WWTR1: variants seen among roughly 807,000 people sequenced by gnomAD.
The protein encoded by WWTR1 is WW domain-containing transcription regulator protein 1.
WWTR1 carries 13 observed loss-of-function variants against 40.1 expected under a neutral mutation model. The ratio of observed to expected loss-of-function variants is 0.32; its 90% CI spans 0.21 to 0.52. WWTR1 has a LOEUF of 0.52. WWTR1 is among the 20% of genes least tolerant of loss of function. WWTR1 has a pLI of 0.97. For synonymous variants in WWTR1, 230 were observed against 210.1 expected, an observed-to-expected ratio of 1.09 and a Z score of -0.82; for missense variants, 436 against 523.1, an observed-to-expected ratio of 0.83 and a Z score of 1.63.
chr3:149,594,629 G>A (rs965770172), intron 2 of WWTR1, among the ~76,000 whole-genome samples: 29 of 151,998 alleles, frequency 1.9e-4, no homozygotes, highest in African/African-American at 7.0e-4. Context: ...GTCAAGGGGA[G>A]AGACACTTTT....
chr3:149,689,435 AAATAAGACCATATC>A (rs150896344), intron 1 of WWTR1, among the ~76,000 whole-genome samples: 4,112 of 145,238 alleles, frequency 0.028, 199 homozygotes, highest in African/African-American at 0.097. Context: ...AGAATAACCC[AAATAAGACCATATC>A]AAGACATTTA....
At chr3:149,550,772 T>A (rs1736584247) in intron 3 of WWTR1, among the ~76,000 whole-genome samples, 1 of 112,020 alleles carries the variant, frequency 8.9e-6, no homozygotes, top group African/African-American at 3.7e-5. Context: ...ACTGCTTGAA[T>A]ATCTGCTGAC....
chr3:149,677,233 AG>A (rs1418270599), intron 1 of WWTR1, among the ~76,000 whole-genome samples: 2 of 152,162 alleles, frequency 1.3e-5, no homozygotes, highest in East Asian at 3.9e-4. Context: ...TTAAATGGAG[AG>A]GGCACAGTCC....
At chr3:149,678,822 ATTTTTTTT>A (rs57101843) in intron 1 of WWTR1, among the ~76,000 whole-genome samples, 1 of 135,552 alleles carries the variant, frequency 7.4e-6, no homozygotes, top group African/African-American at 2.7e-5. Context: ...GTTCACAAGT[ATTTTTTTT>A]TTTTTTTTTT....
upstream of WWTR1, among the ~76,000 whole-genome samples, chr3:149,704,491 G>A (rs982325346): frequency 1.3e-5 from 2 of 152,192 alleles, no homozygotes; most frequent in East Asian, 3.9e-4. Context: ...ATAAAGACTG[G>A]GAATATTATG....
At chr3:149,621,146 A>G (rs1035804220) in intron 2 of WWTR1, among the ~76,000 whole-genome samples, 1 of 152,210 alleles carries the variant, frequency 6.6e-6, no homozygotes, top group African/African-American at 2.4e-5. Flanking sequence ...ACTGTTTTGA[A>G]GTATACTAAA....
intron 3 of WWTR1, among the ~76,000 whole-genome samples, chr3:149,560,510 C>T (rs918629497): frequency 6.6e-6 from 1 of 152,164 alleles, no homozygotes; most frequent in African/African-American, 2.4e-5. Context: ...ATTATAGTTC[C>T]ATTCTAATTA....
intron 1 of WWTR1, among the ~76,000 whole-genome samples, chr3:149,679,687 CAGGCCTTAATTCCTGAG>C (rs1489955644): frequency 6.6e-6 from 1 of 151,448 alleles, no homozygotes; most frequent in African/African-American, 2.4e-5. Flanking sequence ...AAGGTAAAAC[CAGGCCTTAATTCCTGAG>C]AGGGAGCCAA....
At chr3:149,566,628 C>T (rs1737340068) in intron 3 of WWTR1, among the ~76,000 whole-genome samples, 1 of 152,122 alleles carries the variant, frequency 6.6e-6, no homozygotes, top group South Asian at 2.1e-4. Flanking sequence ...TTCTAGTGAA[C>T]TTTCAGCATG....
chr3:149,615,812 G>A (rs927062698), intron 2 of WWTR1, among the ~76,000 whole-genome samples: 1 of 152,188 alleles, frequency 6.6e-6, no homozygotes, highest in African/African-American at 2.4e-5. Flanking sequence ...CCACACCACA[G>A]AGGTGTCTGC....
At chr3:149,696,720 G>C (rs1715005620) in intron 1 of WWTR1, among the ~76,000 whole-genome samples, 1 of 152,128 alleles carries the variant, frequency 6.6e-6, no homozygotes, top group African/African-American at 2.4e-5. Flanking sequence ...TCTCCCCTGT[G>C]GCAGCCTCTC....
intron 4 of WWTR1, among the ~76,000 whole-genome samples, chr3:149,533,008 C>T (rs1158549927): frequency 6.6e-6 from 1 of 152,232 alleles, no homozygotes; most frequent in Non-Finnish European, 1.5e-5. Context: ...CTCAGCACCC[C>T]TTCCTTCCTC....
chr3:149,597,310 A>G (rs1739040601), intron 2 of WWTR1, among the ~76,000 whole-genome samples: 1 of 152,004 alleles, frequency 6.6e-6, no homozygotes, highest in African/African-American at 2.4e-5. Flanking sequence ...TATAAAGAAC[A>G]GAGAGAAACT....
chr3:149,531,230 C>T (rs1341528546), intron 4 of WWTR1, among the ~76,000 whole-genome samples: 6 of 152,094 alleles, frequency 3.9e-5, no homozygotes, highest in Non-Finnish European at 5.9e-5. Flanking sequence ...CCACTGCACC[C>T]GGCCTGAATA....
intron 3 of WWTR1, among the ~76,000 whole-genome samples, chr3:149,558,595 T>C (rs6801148): frequency 0.017 from 2,525 of 152,284 alleles, 68 homozygotes; most frequent in African/African-American, 0.058. Flanking sequence ...ATGTCACCTA[T>C]AGTGGAACAA....
chr3:149,580,677 G>A (rs189093582), intron 2 of WWTR1, among the ~76,000 whole-genome samples: 28 of 152,314 alleles, frequency 1.8e-4, no homozygotes, highest in Admixed American at 1.4e-3. Flanking sequence ...GCAATGGTGC[G>A]ATCTCAGCTC....
chr3:149,560,236 G>A (rs915290382), intron 3 of WWTR1, among the ~76,000 whole-genome samples: 8 of 152,168 alleles, frequency 5.3e-5, no homozygotes, highest in Admixed American at 2.0e-4. Flanking sequence ...TTAATATATC[G>A]TAGTTTCGAC....
At chr3:149,723,132 T>C (rs947783934) in intron 4 of WWTR1, among the ~76,000 whole-genome samples, 6 of 151,890 alleles carry the variant, frequency 4.0e-5, no homozygotes, top group African/African-American at 1.2e-4. Context: ...AATAATGTGG[T>C]AACTCTGAAA....
At chr3:149,536,709 A>G (rs1454366452) in intron 4 of WWTR1, among the ~76,000 whole-genome samples, 3 of 151,514 alleles carry the variant, frequency 2.0e-5, no homozygotes, top group Non-Finnish European at 4.4e-5. Context: ...CTTAGTCAGC[A>G]TTTTTGTTTG....
Sources: gnomAD v4.1 joint callset for allele counts (sites outside exome capture counted in the v4.1 genomes callset) on GRCh38, gnomAD v4.1.1 for gene constraint, MANE v1.5 for transcripts, NCBI Gene and HGNC (gene_info 2026-07-23, HGNC 2026-07-21) for gene names.